APP: variants seen among roughly 807,000 people sequenced by gnomAD.
APP encodes amyloid beta precursor protein, also known as amyloid-beta precursor protein.
A neutral mutation model predicts 101.4 loss-of-function variants in APP; 31 were observed. The observed-to-expected ratio is 0.31, with a 90% CI of 0.23 to 0.41. The LOEUF is 0.41. Ranked by LOEUF, APP falls within the 10% of genes least tolerant of loss-of-function variation. The pLI is 1.00. For missense variants in APP, 839 were observed against 1,003.7 expected, an observed-to-expected ratio of 0.84 and a Z score of 2.22; for synonymous variants, 366 against 364.4, an observed-to-expected ratio of 1.00 and a Z score of -0.05.
At chr21:26,093,211 T>C (rs976240171) in intron 2 of APP, among the ~76,000 whole-genome samples, 6 of 152,148 alleles carry the variant, frequency 3.9e-5, no homozygotes, top group African/African-American at 1.4e-4. Context: ...AATATAATTC[T>C]CCCACCGTCT....
chr21:25,988,133 T>C (rs1363724867), intron 8 of APP, among the ~76,000 whole-genome samples: 1 of 152,062 alleles, frequency 6.6e-6, no homozygotes, highest in African/African-American at 2.4e-5. Flanking sequence ...TGGAAGGACA[T>C]GGCAGGCAGA....
chr21:26,013,013 C>CAAAACAAAACA (rs780661543), intron 6 of APP, among the ~76,000 whole-genome samples: 4 of 103,486 alleles, frequency 3.9e-5, no homozygotes, highest in African/African-American at 1.3e-4. Context: ...CAAAACAAAA[C>CAAAACAAAACA]AAACAAACAA....
intron 15 of APP, among the ~76,000 whole-genome samples, chr21:25,901,272 T>C (rs1401168251): frequency 1.6e-5 from 2 of 124,532 alleles, no homozygotes; most frequent in Non-Finnish European, 3.2e-5. Flanking sequence ...TTCTCCAGCC[T>C]GGAAACAGAG....
At chr21:26,141,287 G>A (rs534219020) in intron 1 of APP, among the ~76,000 whole-genome samples, 8 of 152,188 alleles carry the variant, frequency 5.3e-5, no homozygotes, top group Admixed American at 2.6e-4. Flanking sequence ...GTTACTTAAC[G>A]TTTTACATTT....
At chr21:26,077,521 T>C (rs1017489972) in intron 3 of APP, among the ~76,000 whole-genome samples, 2 of 152,218 alleles carry the variant, frequency 1.3e-5, no homozygotes, top group Non-Finnish European at 1.5e-5. Context: ...TCATTTTCTA[T>C]GCATCCATCA....
chr21:26,105,157 C>T (rs2062154469), intron 2 of APP, among the ~76,000 whole-genome samples: 1 of 151,032 alleles, frequency 6.6e-6, no homozygotes, highest in Admixed American at 6.6e-5. Flanking sequence ...ATCAAACACC[C>T]ATCAACCAGG....
At chr21:26,156,829 T>A (rs1037473600) in intron 1 of APP, among the ~76,000 whole-genome samples, 2 of 150,042 alleles carry the variant, frequency 1.3e-5, no homozygotes, top group African/African-American at 4.8e-5. Context: ...ATAATTAAAA[T>A]TTTCAAACTT....
intron 5 of APP, among the ~76,000 whole-genome samples, chr21:26,044,162 AG>A (rs2045502168): frequency 6.6e-6 from 1 of 152,226 alleles, no homozygotes; most frequent in African/African-American, 2.4e-5. Context: ...GTTTAAAAAA[AG>A]TCTGCATAGT....
At chr21:26,142,558 C>G (rs2146313885) in intron 1 of APP, among the ~76,000 whole-genome samples, 1 of 152,200 alleles carries the variant, frequency 6.6e-6, no homozygotes, top group South Asian at 2.1e-4. Context: ...CGCCTGAGGC[C>G]AGGAGTTCAA....
intron 1 of APP, among the ~76,000 whole-genome samples, chr21:26,116,629 C>A (rs548667418): frequency 2.0e-5 from 3 of 152,226 alleles, no homozygotes; most frequent in Admixed American, 2.0e-4. Context: ...AGGGTCTCAA[C>A]TAGGAGGGAA....
rs1601295631 is a variant in APP at position 25,891,734 on chromosome 21, A to G, written c.2199T>C (p.His733=). ...LKKKQYTSIH[H]GVVEVDAAVT... ...CAAGTTTACCTACCTCCACCACACC[A>G]TGATGAATGGATGTGTACTGTTTCT... is the stretch of plus-strand genomic sequence containing the variant. The change falls in exon 17 of 18, where the codon CAT becomes CAC. Residue 733 remains histidine (H), a synonymous_variant. Transcript: ENST00000346798. 2 of 1,614,142 alleles carry G rather than the reference A, an allele frequency of 1.2e-6. No homozygotes were observed. Among genetic ancestry groups the G allele is most frequent in the East Asian group, 4.5e-5 (2 of 44,880 alleles).
At chr21:26,075,986 C>T (rs141335762) in intron 3 of APP, among the ~76,000 whole-genome samples, 7 of 152,232 alleles carry the variant, frequency 4.6e-5, no homozygotes, top group Admixed American at 2.0e-4. Context: ...CTCCGCTTCC[C>T]GGTTTCAAGT....
intron 17 of APP, among the ~76,000 whole-genome samples, chr21:25,883,722 G>A: frequency 6.6e-6 from 1 of 152,112 alleles, no homozygotes; most frequent in East Asian, 1.9e-4. Flanking sequence ...AAATAAATCT[G>A]TCAGTATAAT....
At chr21:26,138,097 T>C (rs2062959393) in intron 1 of APP, among the ~76,000 whole-genome samples, 1 of 152,224 alleles carries the variant, frequency 6.6e-6, no homozygotes, top group South Asian at 2.1e-4. Context: ...CCTTTCTCTC[T>C]GTATACTGGT....
chr21:25,932,812 CTT>C (rs1454054497), intron 13 of APP, among the ~76,000 whole-genome samples: 1 of 151,798 alleles, frequency 6.6e-6, no homozygotes, highest in Non-Finnish European at 1.5e-5. Context: ...CATTTCTACT[CTT>C]TTCTTCTTAC....
intron 13 of APP, among the ~76,000 whole-genome samples, chr21:25,946,666 CAAAAATAAAAAT>C (rs71183535): frequency 0.063 from 9,447 of 149,380 alleles, 403 homozygotes; most frequent in Middle Eastern, 0.14. Context: ...ACTCTGTCTC[CAAAAATAAAAAT>C]AAAAATAAAA....
At chr21:26,109,452 GTCT>G (rs2062262271) in intron 2 of APP, among the ~76,000 whole-genome samples, 1 of 152,156 alleles carries the variant, frequency 6.6e-6, no homozygotes, top group African/African-American at 2.4e-5. Context: ...GTGAACATGT[GTCT>G]TCTTCCCCTT....
At chr21:26,077,078 A>G (rs910113339) in intron 3 of APP, among the ~76,000 whole-genome samples, 1 of 141,534 alleles carries the variant, frequency 7.1e-6, no homozygotes, top group Non-Finnish European at 1.6e-5. Context: ...AAAAAAAAAA[A>G]GAAAGAAAGA....
intron 1 of APP, among the ~76,000 whole-genome samples, chr21:26,160,224 G>T (rs1309168325): frequency 3.3e-5 from 5 of 152,068 alleles, no homozygotes; most frequent in Non-Finnish European, 5.9e-5. Flanking sequence ...TTGCAATTTT[G>T]TCTCAAATGT....
Sources: allele counts gnomAD v4.1 joint callset (sites outside exome capture counted in the v4.1 genomes callset), GRCh38; gene constraint gnomAD v4.1.1; transcripts MANE v1.5; gene names NCBI Gene and HGNC (gene_info 2026-07-23, HGNC 2026-07-21).